TTK: variants seen among roughly 807,000 people sequenced by gnomAD.
TTK encodes dual specificity protein kinase TTK.
Under a neutral mutation model 117.3 loss-of-function variants are expected in TTK, and 59 were observed. That is an observed-to-expected ratio of 0.50 (90% CI 0.41 to 0.62). TTK has a LOEUF of 0.62. Ranked by LOEUF, TTK falls within the 20% of genes least tolerant of loss-of-function variation. The pLI is 0.00. For missense variants in TTK, 921 were observed against 989.4 expected, an observed-to-expected ratio of 0.93 and a Z score of 0.93; for synonymous variants, 302 against 325.0, an observed-to-expected ratio of 0.93 and a Z score of 0.76.
At chr6:80,029,180 A>G (rs989207134) in intron 13 of TTK, among the ~76,000 whole-genome samples, 2 of 152,214 alleles carry the variant, frequency 1.3e-5, no homozygotes, top group African/African-American at 4.8e-5. Context: ...GGGAGGAAGA[A>G]TGGGGAGTTA....
At chr6:80,041,986 A>C (rs1385711316) in intron 21 of TTK, 133 bp from the exon 22 acceptor site, 8 of 489,694 alleles carry the variant, frequency 1.6e-5, no homozygotes, top group Non-Finnish European at 2.8e-5. Flanking sequence ...ATAGTTTATA[A>C]AATAATTTCC....
In TTK at chr6:80,042,166, C is replaced by A; in HGVS notation, c.2538C>A (p.Ser846=). 6.2e-7 allele frequency: 1 copy of A among 1,602,912 alleles called. No homozygotes were observed. Among genetic ancestry groups the A allele is most frequent in the Non-Finnish European group, 8.5e-7 (1 of 1,173,426 alleles). Residue 846 remains serine (S), a synonymous_variant, in exon 22 of 22, where the codon TCC becomes TCA. Transcript: ENST00000369798. ...GTGGTGAAAGTCATAATTCTTCATC[C>A]TCCAAGACTTTTGAAAAAAAAAGGG... ...YSGGESHNSS[S]SKTFEKKRGK... is the part of the protein sequence containing the mutation.
At chr6:80,006,894 A>G (rs920685290) in intron 2 of TTK, among the ~76,000 whole-genome samples, 30 of 152,322 alleles carry the variant, frequency 2.0e-4, no homozygotes, top group Middle Eastern at 3.4e-3. Context: ...TTTATTTATA[A>G]AAGTAAAGAT....
intron 10 of TTK, among the ~76,000 whole-genome samples, chr6:80,020,433 TGA>T (rs1449547013): frequency 2.6e-5 from 4 of 152,182 alleles, no homozygotes; most frequent in Non-Finnish European, 5.9e-5. Flanking sequence ...GATAAAACAG[TGA>T]GTTTTATCTC....
intron 11 of TTK, among the ~76,000 whole-genome samples, chr6:80,024,644 T>C (rs758325325): frequency 2.0e-5 from 3 of 152,154 alleles, no homozygotes; most frequent in Non-Finnish European, 2.9e-5. Context: ...GTTTTCTTTT[T>C]AGAAGACGAA....
At chr6:80,032,387 C>T (rs1767782736) in intron 14 of TTK, among the ~76,000 whole-genome samples, 1 of 152,074 alleles carries the variant, frequency 6.6e-6, no homozygotes, top group Non-Finnish European at 1.5e-5. Flanking sequence ...CCTCAGCATT[C>T]TTTCATCTTT....
At chr6:80,014,050 T>G (rs554664667) in intron 9 of TTK, among the ~76,000 whole-genome samples, 2 of 152,298 alleles carry the variant, frequency 1.3e-5, no homozygotes, top group East Asian at 3.9e-4. Flanking sequence ...TCTCTGGATT[T>G]AGAGTAACTA....
At chr6:80,007,770 A>G (rs1453909879) in intron 2 of TTK, 39 bp from the exon 3 acceptor site, 2 of 1,533,338 alleles carry the variant, frequency 1.3e-6, no homozygotes, top group African/African-American at 2.8e-5. Flanking sequence ...CATTTGTTTT[A>G]TGTCTTTTCT....
intron 1 of TTK, among the ~76,000 whole-genome samples, chr6:80,005,403 ACTTGCAC>A (rs1256642454): frequency 1.6e-4 from 25 of 152,248 alleles, no homozygotes; most frequent in Non-Finnish European, 3.4e-4. Context: ...CTTTGAAAGC[ACTTGCAC>A]TGGAAGATTT....
At chr6:80,010,793 A>G in intron 4 of TTK, 21 bp from the exon 5 acceptor site, 2 of 1,601,222 alleles carry the variant, frequency 1.2e-6, no homozygotes, top group African/African-American at 2.7e-5. Flanking sequence ...TAAAAATGAC[A>G]ATTATCTTTT....
At chr6:80,020,304 C>A (rs917874327) in intron 10 of TTK, among the ~76,000 whole-genome samples, 1 of 152,148 alleles carries the variant, frequency 6.6e-6, no homozygotes, top group East Asian at 1.9e-4. Flanking sequence ...TTTTAAAAAC[C>A]TCTTTTATCC....
intron 10 of TTK, among the ~76,000 whole-genome samples, chr6:80,019,493 C>A (rs946560271): frequency 3.1e-4 from 47 of 152,274 alleles, no homozygotes; most frequent in Admixed American, 1.0e-3. Context: ...AAGTCCACTA[C>A]AGGCATTTAT....
At chr6:80,028,529 G>A (rs1767669976) in intron 13 of TTK, among the ~76,000 whole-genome samples, 1 of 151,866 alleles carries the variant, frequency 6.6e-6, no homozygotes, top group Non-Finnish European at 1.5e-5. Context: ...TGTTGCTCAG[G>A]CTGGTCTCAA....
Position 80,027,894 on chromosome 6 carries a change from T to A in TTK, c.1404T>A (p.Thr468=). ...TATATATATTTCCTAGTTTTAGAAC[T>A]CCAGTTGTAAAGAATGACTTTCCAC... ...TLDDYMSCFR[T]PVVKNDFPPA... The change falls in exon 13 of 22, where the codon ACT becomes ACA. Residue 468 remains threonine (T), a synonymous_variant. Transcript: ENST00000369798. 1 of 1,594,660 alleles carries A rather than the reference T, an allele frequency of 6.3e-7. No individual in the cohort carries two copies. Among genetic ancestry groups the A allele is most frequent in the Non-Finnish European group, 8.6e-7 (1 of 1,169,524 alleles).
intron 18 of TTK, 61 bp from the exon 19 acceptor site, chr6:80,039,633 ATG>A: frequency 8.0e-7 from 1 of 1,252,940 alleles, no homozygotes; most frequent in Non-Finnish European, 1.1e-6. Context: ...TTTAATATAT[ATG>A]TTTTTTCATT....
rs1768063922 is a variant in TTK at position 80,042,134 on chromosome 6, T to G, written c.2506T>G (p.Tyr836Asp). The G allele has an allele frequency of 6.2e-7, 1 of 1,600,724 alleles. No homozygotes were observed. The highest frequency in any genetic ancestry group is 1.3e-5 in the African/African-American group (1 of 74,396). The change falls in exon 22 of 22, where the codon TAT (tyrosine) becomes GAT (aspartate). Residue 836 changes from tyrosine to aspartate, a missense_variant. Physicochemically the swap from Tyr to Asp is radical, Grantham distance 160. Coordinates refer to ENST00000369798, the MANE Select transcript of TTK (RefSeq NM_003318.5). The stretch of plus-strand genomic sequence containing the variant: ...TTAATTTCAGACTTTATATGAACAC[T>G]ATAGTGGTGGTGAAAGTCATAATTC... Reference protein sequence around the residue: ...LKAAKTLYEHYSGGESHNSSS... With the variant: ...LKAAKTLYEHDSGGESHNSSS...
rs746599024 is a variant in TTK, at chr6:80,040,286, A to G, written c.2392+6A>G. On this transcript the variant is annotated splice_donor_region_variant and intron_variant, in intron 20 of 21. Transcript: ENST00000369798. ...TCAAATTCAAACTCATCCAGGTACT[A>G]CTTCTTTAAAAATTTGTTTATTACT... The G allele has an allele frequency of 5.7e-6, 9 of 1,568,666 alleles. No individual in the cohort carries two copies. In the Admixed American group the frequency reaches 1.7e-4, roughly 30 times the overall value.
At chr6:80,035,497 T>C in intron 16 of TTK, 80 bp downstream of exon 16, 1 of 1,372,738 alleles carries the variant, frequency 7.3e-7, no homozygotes, top group Non-Finnish European at 9.7e-7. Context: ...CCTATAATTT[T>C]AGGGCATTGG....
intron 17 of TTK, among the ~76,000 whole-genome samples, chr6:80,037,155 A>C (rs1767926515): frequency 6.6e-6 from 1 of 152,154 alleles, no homozygotes; most frequent in Admixed American, 6.6e-5. Flanking sequence ...AGTATATCTA[A>C]AAGATATTCT....
Sources: gnomAD v4.1 joint callset for allele counts (sites outside exome capture counted in the v4.1 genomes callset) on GRCh38, gnomAD v4.1.1 for gene constraint, MANE v1.5 for transcripts, NCBI Gene and HGNC (gene_info 2026-07-23, HGNC 2026-07-21) for gene names.